UMAD1: variants seen among roughly 807,000 people sequenced by gnomAD.
UMAD1 encodes UBAP1-MVB12-associated (UMA) domain containing 1.
A neutral mutation model predicts 6.1 loss-of-function variants in UMAD1; 8 were observed. The ratio of observed to expected loss-of-function variants is 1.30; its 90% CI spans 0.76 to 2.35. The LOEUF (loss-of-function observed/expected upper bound fraction) is 2.35. Ranked by LOEUF, UMAD1 falls within the 30% of genes most tolerant of loss-of-function variation. The pLI, the probability that UMAD1 is intolerant of heterozygous loss-of-function variation, is 0.00. For missense variants in UMAD1, 130 were observed against 78.4 expected, an observed-to-expected ratio of 1.66 and a Z score of -2.49; for synonymous variants, 56 against 31.4, an observed-to-expected ratio of 1.78 and a Z score of -2.61.
chr7:7,730,753 C>T (rs758581356), intron 2 of UMAD1, among the ~76,000 whole-genome samples: 2 of 151,994 alleles, frequency 1.3e-5, no homozygotes, highest in Non-Finnish European at 2.9e-5. Flanking sequence ...TCTGCCAAAC[C>T]TAAATCTAAG....
intron 1 of UMAD1, among the ~76,000 whole-genome samples, chr7:7,642,550 T>A (rs542737666): frequency 5.3e-4 from 81 of 152,156 alleles, no homozygotes; most frequent in Non-Finnish European, 6.5e-4. Context: ...AGACCACTTT[T>A]AAGCAAAGGC....
rs191968684 is a variant in UMAD1 at position 7,702,378 on chromosome 7, A to G, written c.82+28925A>G. On this transcript the variant is annotated intron_variant, in intron 2 of 3. Transcript: ENST00000682710. ...GTGCAGTTTTAATATGACATATTTT[A>G]TTATCTCTTATTTTTTAAATTGATA... Among the ~76,000 whole-genome samples, 5 of 152,248 alleles carry G rather than the reference A, an allele frequency of 3.3e-5. No individual in the cohort carries two copies. In the East Asian group the frequency reaches 7.7e-4, roughly 24 times the overall value.
chr7:7,788,304 A>G (rs1267557064), intron 2 of UMAD1, among the ~76,000 whole-genome samples: 2 of 152,200 alleles, frequency 1.3e-5, no homozygotes, highest in Non-Finnish European at 2.9e-5. Context: ...AAGATTGAGT[A>G]CATATTGTTA....
intron 2 of UMAD1, among the ~76,000 whole-genome samples, chr7:7,702,006 G>C (rs964902960): frequency 3.9e-5 from 6 of 152,140 alleles, no homozygotes; most frequent in African/African-American, 1.4e-4. Context: ...TTTGTAAAAA[G>C]TAGAACTGAA....
chr7:7,827,957 T>C (rs941973230), intron 3 of UMAD1, among the ~76,000 whole-genome samples: 3 of 152,214 alleles, frequency 2.0e-5, no homozygotes, highest in Admixed American at 2.0e-4. Flanking sequence ...AGATGACTTT[T>C]GTTTGGCAAA....
chr7:7,849,207 C>G (rs1783867675), intron 3 of UMAD1, among the ~76,000 whole-genome samples: 1 of 152,150 alleles, frequency 6.6e-6, no homozygotes. Flanking sequence ...AATAGATTCA[C>G]TTATTCCCAT....
At chr7:7,742,574 G>A (rs1781493451) in intron 2 of UMAD1, 1 of 514,000 alleles carries the variant, frequency 1.9e-6, no homozygotes, top group African/African-American at 2.0e-5. Flanking sequence ...TTGTGAAAAG[G>A]GTCAGGACAA....
chr7:7,821,453 A>C (rs1783239803), intron 3 of UMAD1, among the ~76,000 whole-genome samples: 2 of 152,218 alleles, frequency 1.3e-5, no homozygotes, highest in African/African-American at 4.8e-5. Flanking sequence ...GCTATCAAAA[A>C]ATTTAAAATT....
At chr7:7,685,934 T>G (rs1415281763) in intron 2 of UMAD1, 3 of 152,218 alleles carry the variant, frequency 2.0e-5, no homozygotes, top group Non-Finnish European at 2.9e-5. Flanking sequence ...CTTGAGCACT[T>G]TCTCTATCCC....
intron 2 of UMAD1, among the ~76,000 whole-genome samples, chr7:7,793,079 C>G (rs901772333): frequency 6.6e-6 from 1 of 152,318 alleles, no homozygotes; most frequent in East Asian, 1.9e-4. Flanking sequence ...TGATGCTGAA[C>G]GAGCGTGTCG....
intron 2 of UMAD1, among the ~76,000 whole-genome samples, chr7:7,753,274 G>A (rs1015318673): frequency 2.6e-5 from 4 of 151,964 alleles, no homozygotes; most frequent in East Asian, 1.9e-4. Flanking sequence ...TTTGTGTTAC[G>A]AACAATTCAA....
At chr7:7,861,413 C>A (rs1469890074) in intron 3 of UMAD1, among the ~76,000 whole-genome samples, 1 of 152,146 alleles carries the variant, frequency 6.6e-6, no homozygotes, top group Non-Finnish European at 1.5e-5. Flanking sequence ...ACTTTTCCAA[C>A]CCCATCTTCT....
At chr7:7,770,463 C>CTTCCCCTTGT (rs1404199132) in intron 2 of UMAD1, among the ~76,000 whole-genome samples, 1 of 152,180 alleles carries the variant, frequency 6.6e-6, no homozygotes, top group Non-Finnish European at 1.5e-5. Context: ...ATACTGCTTG[C>CTTCCCCTTGT]TTCCCCTTGT....
intron 2 of UMAD1, among the ~76,000 whole-genome samples, chr7:7,724,539 A>G (rs545114410): frequency 4.0e-4 from 61 of 152,332 alleles, no homozygotes; most frequent in African/African-American, 1.3e-3. Context: ...CATCCCTGGA[A>G]GGATTGCAGG....
chr7:7,658,322 C>G (rs1439199788), intron 1 of UMAD1, among the ~76,000 whole-genome samples: 2 of 152,208 alleles, frequency 1.3e-5, no homozygotes, highest in African/African-American at 4.8e-5. Flanking sequence ...TGCCTGATGG[C>G]CCTGGCCAGA....
chr7:7,684,073 C>T (rs1361386323), intron 2 of UMAD1, among the ~76,000 whole-genome samples: 2 of 152,196 alleles, frequency 1.3e-5, no homozygotes, highest in Non-Finnish European at 2.9e-5. Flanking sequence ...TACATCCTCC[C>T]ATATACTTTA....
chr7:7,830,833 G>A lies in UMAD1; in HGVS notation c.156+29090G>A. On this transcript the variant is annotated intron_variant, in intron 3 of 3. Coordinates refer to ENST00000682710, the MANE Select transcript of UMAD1 (RefSeq NM_001302348.2). This position sits in a 1 kb window ranked among gnomAD's most constrained non-coding sequence, Gnocchi z 5.3. ...ATAAGTGAAGTGAATGTAAATTGAA[G>A]CCTGTTTATATCTTCCCATCTTTTT... Among the ~76,000 whole-genome samples the A allele has an allele frequency of 6.6e-6, 1 of 152,136 alleles. No individual in the cohort carries two copies. The highest frequency in any genetic ancestry group is 2.1e-4 in the South Asian group (1 of 4,832).
At chr7:7,801,960 A>AAAAAC (rs888123135) in intron 3 of UMAD1, among the ~76,000 whole-genome samples, 3 of 152,266 alleles carry the variant, frequency 2.0e-5, no homozygotes, top group Admixed American at 2.0e-4. Flanking sequence ...ACTTTCTGTT[A>AAAAAC]AAAACAAAAC....
chr7:7,811,196 T>C (rs1783015384), intron 3 of UMAD1, among the ~76,000 whole-genome samples: 1 of 152,044 alleles, frequency 6.6e-6, no homozygotes, highest in South Asian at 2.1e-4. Context: ...TCTAGCTTTA[T>C]GATAATTAGC....
Sources: allele counts gnomAD v4.1 joint callset (sites outside exome capture counted in the v4.1 genomes callset), GRCh38; gene constraint gnomAD v4.1.1; non-coding constraint Gnocchi (gnomAD v3.1); transcripts MANE v1.5; gene names NCBI Gene and HGNC (gene_info 2026-07-23, HGNC 2026-07-21).